Variants in RSPH14 observed in about 807,000 individuals in gnomAD.
RSPH14 encodes the protein radial spoke head 14 homolog.
Under a neutral mutation model 26.7 loss-of-function variants are expected in RSPH14, and 20 were observed. The ratio of observed to expected loss-of-function variants is 0.75; its 90% CI spans 0.53 to 1.09. The LOEUF (loss-of-function observed/expected upper bound fraction) is 1.09, where lower values mean the gene tolerates loss of function less well. RSPH14 is among the 50% of genes least tolerant of loss of function. RSPH14 has a pLI of 0.00. For missense variants in RSPH14, 449 were observed against 457.2 expected, an observed-to-expected ratio of 0.98 and a Z score of 0.16; for synonymous variants, 177 against 189.3, an observed-to-expected ratio of 0.93 and a Z score of 0.53.
chr22:23,167,658 A>G, the RSPH14 span, among the ~76,000 whole-genome samples: 1 of 152,168 alleles, frequency 6.6e-6, no homozygotes, highest in Admixed American at 6.5e-5. Context: ...TGGACAGAGG[A>G]TCGGTTAAAT....
At chr22:23,086,897 C>A (rs7292246) in intron 4 of RSPH14, among the ~76,000 whole-genome samples, 10,995 of 152,290 alleles carry the variant, frequency 0.072, 1,357 homozygotes, top group African/African-American at 0.25. Context: ...GAGGCCCCTA[C>A]AGGTCCAGGC....
intron 4 of RSPH14, among the ~76,000 whole-genome samples, chr22:23,120,031 C>T (rs2069967145): frequency 1.3e-5 from 2 of 152,194 alleles, no homozygotes; most frequent in Admixed American, 1.3e-4. Context: ...GAAGGGCCCA[C>T]ACTCGGGAGA....
At chr22:23,161,122 C>G in the RSPH14 span, 1 of 1,251,520 alleles carries the variant, frequency 8.0e-7, no homozygotes, top group Non-Finnish European at 1.1e-6. Flanking sequence ...TGTCCTTTGA[C>G]CCTCCTCTCA....
chr22:23,150,276 A>G, the RSPH14 span: 1 of 739,548 alleles, frequency 1.4e-6, no homozygotes, highest in African/African-American at 1.8e-5. Flanking sequence ...TACAGGCCTG[A>G]AGATGACTGG....
At chr22:23,118,282 T>C (rs1007621734) in intron 4 of RSPH14, among the ~76,000 whole-genome samples, 1 of 152,220 alleles carries the variant, frequency 6.6e-6, no homozygotes, top group Admixed American at 6.5e-5. Context: ...ATTCCCACCA[T>C]TGCACAAGCT....
At chr22:23,140,070 A>AT in intron 2 of RSPH14, 152 bp downstream of exon 2, 1 of 909,952 alleles carries the variant, frequency 1.1e-6, no homozygotes, top group Non-Finnish European at 1.6e-6. Flanking sequence ...ATAAATAAAC[A>AT]TTTTTTAAAA....
chr22:23,100,798 G>A (rs1463340993), intron 4 of RSPH14, among the ~76,000 whole-genome samples: 1 of 152,190 alleles, frequency 6.6e-6, no homozygotes, highest in Non-Finnish European at 1.5e-5. Flanking sequence ...GAGCAGCTGG[G>A]ACACTCAGCC....
chr22:23,071,093 G>T lies in RSPH14; in HGVS notation c.422-6960C>A, dbSNP rs1386686706. Among the ~76,000 whole-genome samples the T allele has an allele frequency of 6.6e-6, 1 of 152,222 alleles. No homozygotes were observed. The highest frequency in any genetic ancestry group is 1.5e-5 in the Non-Finnish European group (1 of 68,026). ...CGCAGACGGACAGCTAGCAGTTCTC[G>T]GTCACTGCTCTTGCAGCGAGCAGGT... On this transcript the variant is annotated intron_variant, in intron 4 of 6. Coordinates refer to ENST00000216036, the MANE Select transcript of RSPH14 (RefSeq NM_014433.3). This position sits in a 1 kb window ranked among gnomAD's most constrained non-coding sequence, Gnocchi z 4.1.
At chr22:23,175,031 C>G in the RSPH14 span, among the ~76,000 whole-genome samples, 14 of 150,614 alleles carry the variant, frequency 9.3e-5, no homozygotes, top group African/African-American at 3.4e-4. Context: ...GAGTCTCGCT[C>G]TGTCACCCAG....
upstream of RSPH14, chr22:23,145,425 C>G: frequency 6.2e-7 from 1 of 1,610,706 alleles, no homozygotes; most frequent in Non-Finnish European, 8.5e-7. Flanking sequence ...CAACGCAGAC[C>G]CCGCCCACGA....
chr22:23,114,930 C>A, intron 4 of RSPH14, among the ~76,000 whole-genome samples: 1 of 152,214 alleles, frequency 6.6e-6, no homozygotes, highest in Non-Finnish European at 1.5e-5. Flanking sequence ...GCAGTGGGGA[C>A]TGCCATGAAG....
chr22:23,129,344 C>T (rs764803685), intron 4 of RSPH14, among the ~76,000 whole-genome samples: 2 of 152,114 alleles, frequency 1.3e-5, no homozygotes, highest in African/African-American at 2.4e-5. Context: ...CAGTAAACCC[C>T]GCGATGAAGG....
chr22:23,096,021 C>T, intron 4 of RSPH14: 2 of 1,607,092 alleles, frequency 1.2e-6, no homozygotes, highest in South Asian at 1.1e-5. Flanking sequence ...CAGCTCTTTG[C>T]GCTGACGGGC....
chr22:23,115,379 G>A (rs1601828812), intron 4 of RSPH14, among the ~76,000 whole-genome samples: 1 of 152,190 alleles, frequency 6.6e-6, no homozygotes, highest in Non-Finnish European at 1.5e-5. Flanking sequence ...GAGTAGGGAG[G>A]TGACGGTCCC....
chr22:23,095,712 G>A, intron 4 of RSPH14: 1 of 1,609,564 alleles, frequency 6.2e-7, no homozygotes. Flanking sequence ...TGTCGGCAAA[G>A]CTCAGAGGAA....
chr22:23,151,097 G>A, the RSPH14 span, among the ~76,000 whole-genome samples: 43 of 152,340 alleles, frequency 2.8e-4, no homozygotes, highest in African/African-American at 9.9e-4. Context: ...AGCTCACAGG[G>A]GTCACAGAGG....
the RSPH14 span, chr22:23,158,977 C>T: frequency 6.2e-7 from 1 of 1,614,092 alleles, no homozygotes; most frequent in Non-Finnish European, 8.5e-7. Flanking sequence ...GAAGGACCTT[C>T]TGGTGAGCAG....
intron 4 of RSPH14, among the ~76,000 whole-genome samples, chr22:23,118,221 T>C (rs950335095): frequency 2.0e-5 from 3 of 152,208 alleles, no homozygotes; most frequent in Non-Finnish European, 4.4e-5. Context: ...GCCTGGTGGC[T>C]GAAGGCCTGG....
chr22:23,088,677 C>A (rs1316212387), intron 4 of RSPH14, among the ~76,000 whole-genome samples: 1 of 152,178 alleles, frequency 6.6e-6, no homozygotes, highest in Non-Finnish European at 1.5e-5. Flanking sequence ...TTCCATGACT[C>A]CTGTTGCCAC....
Sources: allele counts gnomAD v4.1 joint callset (sites outside exome capture counted in the v4.1 genomes callset), GRCh38; gene constraint gnomAD v4.1.1; non-coding constraint Gnocchi (gnomAD v3.1); transcripts MANE v1.5; gene names NCBI Gene and HGNC (gene_info 2026-07-23, HGNC 2026-07-21).